Variants in RBFOX1 observed in about 807,000 individuals in gnomAD.
RBFOX1 encodes the protein RNA binding protein fox-1 homolog 1.
RBFOX1 carries 8 observed loss-of-function variants against 57.7 expected under a neutral mutation model. The observed-to-expected ratio is 0.14, with a 90% CI of 0.08 to 0.25. The LOEUF (loss-of-function observed/expected upper bound fraction) is 0.25, where lower values mean the gene tolerates loss of function less well. RBFOX1 is among the 10% of genes least tolerant of loss of function. RBFOX1 has a pLI of 1.00. For missense variants in RBFOX1, 611 were observed against 548.5 expected (o/e 1.11, Z -1.14); for synonymous variants, 326 against 222.4 (o/e 1.47, Z -4.15).
chr16:5,401,741 T>C (rs199542567), intron 1 of RBFOX1, among the ~76,000 whole-genome samples: 16 of 132,104 alleles, frequency 1.2e-4, no homozygotes, highest in Middle Eastern at 3.8e-3. Flanking sequence ...CTGTCTCTTT[T>C]TCTCTCTCTC....
intron 1 of RBFOX1, among the ~76,000 whole-genome samples, chr16:6,119,740 C>G (rs762302329): frequency 6.6e-6 from 1 of 152,162 alleles, no homozygotes; most frequent in East Asian, 1.9e-4. Flanking sequence ...TGACCCTAAG[C>G]AATCCTCCCT....
At chr16:6,728,846 T>A (rs1414823457) in intron 3 of RBFOX1, among the ~76,000 whole-genome samples, 2 of 152,170 alleles carry the variant, frequency 1.3e-5, no homozygotes, top group South Asian at 4.1e-4. Flanking sequence ...CATGTAGCAT[T>A]CAAAACAGTG....
chr16:5,542,012 T>C (rs1475268364), intron 2 of RBFOX1, among the ~76,000 whole-genome samples: 1 of 152,180 alleles, frequency 6.6e-6, no homozygotes, highest in Admixed American at 6.5e-5. Flanking sequence ...TTAAAGGAAC[T>C]GCTGTTCACT....
chr16:6,921,091 G>C (rs148257714), intron 3 of RBFOX1, among the ~76,000 whole-genome samples: 9 of 152,114 alleles, frequency 5.9e-5, no homozygotes, highest in Non-Finnish European at 1.5e-5. Flanking sequence ...TGCACCATTC[G>C]TTAGCTTTGT....
At chr16:6,825,078 C>G (rs1467602129) in intron 3 of RBFOX1, among the ~76,000 whole-genome samples, 1 of 139,228 alleles carries the variant, frequency 7.2e-6, no homozygotes, top group African/African-American at 2.6e-5. Flanking sequence ...CTCACTGCAA[C>G]CCCTGTCACC....
At chr16:6,825,117 C>A (rs1055219656) in intron 3 of RBFOX1, among the ~76,000 whole-genome samples, 1 of 150,062 alleles carries the variant, frequency 6.7e-6, no homozygotes, top group African/African-American at 2.4e-5. Flanking sequence ...CTGCCTCAGC[C>A]TCCCAAGTAG....
chr16:6,401,865 T>G (rs970235066), intron 2 of RBFOX1, among the ~76,000 whole-genome samples: 2 of 151,942 alleles, frequency 1.3e-5, no homozygotes, highest in African/African-American at 4.8e-5. Flanking sequence ...AGTAAATCCA[T>G]CAATAACCCT....
chr16:6,037,387 C>G (rs1005490672), intron 1 of RBFOX1: 2 of 152,022 alleles, frequency 1.3e-5, no homozygotes, highest in African/African-American at 2.4e-5. Context: ...TTCTTGATAG[C>G]TAGACTTCCT....
At chr16:6,463,672 A>T (rs1378445334) in intron 2 of RBFOX1, among the ~76,000 whole-genome samples, 1 of 152,196 alleles carries the variant, frequency 6.6e-6, no homozygotes, top group Non-Finnish European at 1.5e-5. Context: ...GGTCTCGTTC[A>T]CCATGTCATT....
intron 2 of RBFOX1, among the ~76,000 whole-genome samples, chr16:5,564,987 G>A (rs1226768298): frequency 1.3e-5 from 2 of 152,112 alleles, no homozygotes; most frequent in Non-Finnish European, 2.9e-5. Context: ...ATGAGGGATG[G>A]CACTTCAAAG....
intron 3 of RBFOX1, among the ~76,000 whole-genome samples, chr16:6,806,836 A>ATATATATATATATATATATTTTTTT (rs754342591): frequency 1.1e-5 from 1 of 91,904 alleles, no homozygotes; most frequent in Admixed American, 1.5e-4. Context: ...ATATATATAT[A>ATATATATATATATATATATTTTTTT]TTTTTTTTTT....
chr16:5,577,699 A>G (rs1053158214), intron 2 of RBFOX1, among the ~76,000 whole-genome samples: 4 of 152,176 alleles, frequency 2.6e-5, no homozygotes, highest in Non-Finnish European at 5.9e-5. Flanking sequence ...ATTACATCAT[A>G]GCCCCAGTGA....
At chr16:5,958,835 A>T (rs758623538) in intron 4 of RBFOX1, among the ~76,000 whole-genome samples, 1 of 152,158 alleles carries the variant, frequency 6.6e-6, no homozygotes, top group Admixed American at 6.5e-5. Context: ...TTGTCTCTGC[A>T]TATTACTAAC....
intron 2 of RBFOX1, among the ~76,000 whole-genome samples, chr16:5,559,165 C>CAAA (rs35531242): frequency 3.4e-4 from 22 of 65,366 alleles, no homozygotes; most frequent in East Asian, 1.3e-3. Context: ...CCCCCCCAGG[C>CAAA]AAAAAAAAAA....
intron 4 of RBFOX1, among the ~76,000 whole-genome samples, chr16:7,421,466 T>G (rs917834356): frequency 6.6e-6 from 1 of 152,192 alleles, no homozygotes; most frequent in Admixed American, 6.5e-5. Context: ...GCCTGAATGT[T>G]TGGTGAGATT....
At chr16:5,871,053 A>C (rs1241629867) in intron 4 of RBFOX1, among the ~76,000 whole-genome samples, 1 of 152,156 alleles carries the variant, frequency 6.6e-6, no homozygotes, top group African/African-American at 2.4e-5. Flanking sequence ...AACGTTTGCT[A>C]AATCTGGACT....
intron 1 of RBFOX1, among the ~76,000 whole-genome samples, chr16:5,252,716 A>C (rs2062484000): frequency 6.6e-6 from 1 of 152,162 alleles, no homozygotes; most frequent in Non-Finnish European, 1.5e-5. Flanking sequence ...ATCCGCCCCC[A>C]TCTGGAGCTC....
At chr16:6,543,185 C>A (rs2096847933) in intron 2 of RBFOX1, among the ~76,000 whole-genome samples, 1 of 152,170 alleles carries the variant, frequency 6.6e-6, no homozygotes, top group South Asian at 2.1e-4. Flanking sequence ...TGGCAGGATT[C>A]TTCAGGAGGG....
rs537734184 is a variant in RBFOX1, at chr16:7,213,288, G to A, written c.27+161190G>A. Among the ~76,000 whole-genome samples the A allele has an allele frequency of 2.0e-5, 3 of 152,298 alleles. No homozygotes were observed. The South Asian group carries it at 6.2e-4, about 32-fold the overall frequency. ...CCATTCTGGCTGCAACACATTCGCT[G>A]AGGTTGCCTTAAAAAATCACGTTGC... On this transcript the variant is annotated intron_variant, in intron 4 of 15. Transcript: ENST00000550418.
Sources: gnomAD v4.1 joint callset for allele counts (sites outside exome capture counted in the v4.1 genomes callset) on GRCh38, gnomAD v4.1.1 for gene constraint, MANE v1.5 for transcripts, NCBI Gene and HGNC (gene_info 2026-07-23, HGNC 2026-07-21) for gene names.